Variants in DNAJB12 observed in about 807,000 individuals in gnomAD.
The protein encoded by DNAJB12 is dnaJ homolog subfamily B member 12.
A neutral mutation model predicts 40.6 loss-of-function variants in DNAJB12; 14 were observed. The observed-to-expected ratio is 0.34, with a 90% confidence interval of 0.23 to 0.54. DNAJB12 has a LOEUF of 0.54. Ranked by LOEUF, DNAJB12 falls within the 20% of genes least tolerant of loss-of-function variation. DNAJB12 has a pLI of 0.92. For synonymous variants in DNAJB12, 181 were observed against 199.5 expected (o/e 0.91, Z 0.78); for missense variants, 444 against 501.7 (o/e 0.89, Z 1.10).
At chr10:72,342,573 G>A (rs1367277599) in intron 3 of DNAJB12, among the ~76,000 whole-genome samples, 1 of 152,178 alleles carries the variant, frequency 6.6e-6, no homozygotes, top group Admixed American at 6.5e-5. Flanking sequence ...TCTGCCACAG[G>A]CTCTCCAGCT....
At position 72,334,497 on chromosome 10, in the gene DNAJB12, G is replaced by A. The variant is rs182796644; in HGVS notation, c.*151C>T. ...TTACTGGGTGAGAGAGAGGGCAGCT[G>A]TGCAGCGTTCGGCCTCCAATTCCAT... On this transcript the variant is annotated 3_prime_UTR_variant, in exon 9 of 9. Coordinates refer to ENST00000444643, the MANE Select transcript of DNAJB12 (RefSeq NM_017626.7). 9.3e-5 allele frequency: 132 copies of A among 1,417,740 alleles called. No homozygotes were observed. In the East Asian group the frequency reaches 3.2e-3, roughly 35 times the overall value. 87.8% of individuals were successfully genotyped at this position (1,417,740 alleles called of 1,614,324 possible).
Position 72,354,839 on chromosome 10 carries a change from T to C in DNAJB12, c.59A>G (p.Gln20Arg), listed in dbSNP as rs758836464. 4.2e-5 allele frequency: 68 copies of C among 1,613,970 alleles called. No individual in the cohort carries two copies. Among genetic ancestry groups the C allele is most frequent in the Non-Finnish European group, 4.3e-5 (51 of 1,179,936 alleles). Residue 20 changes from glutamine (Q) to arginine (R), a missense_variant, in exon 1 of 9, where the codon CAG becomes CGG. Physicochemically the swap from Gln to Arg is conservative, Grantham distance 43 (BLOSUM62 1). Coordinates refer to ENST00000444643, the MANE Select transcript of DNAJB12 (RefSeq NM_017626.7). ...RCISIALKAIQSNQPDRALRF... is the reference protein window; with the variant it reads ...RCISIALKAIRSNQPDRALRF... ...GAGCGCCCGGTCGGGCTGGTTGCTC[T>C]GGATGGCCTTGAGGGCGATGCTGAT...
intron 5 of DNAJB12, 107 bp from the exon 6 acceptor site, chr10:72,338,418 C>T: frequency 1.1e-6 from 1 of 871,410 alleles, no homozygotes; most frequent in Non-Finnish European, 1.8e-6. Context: ...AGACATGACA[C>T]CACTCTGCCG....
Position 72,334,469 on chromosome 10 carries a change from C to A in DNAJB12, c.*179G>T. 8.0e-7 allele frequency: 1 copy of A among 1,257,396 alleles called. No homozygotes were observed. Among genetic ancestry groups the A allele is most frequent in the South Asian group, 1.3e-5 (1 of 77,888 alleles). 77.9% of individuals were successfully genotyped at this position (1,257,396 alleles called of 1,614,324 possible). ...TTCTGTCTGTCCTAAGAGCTTTCTG[C>A]ATTTACTGGGTGAGAGAGAGGGCAG... On this transcript the variant is annotated 3_prime_UTR_variant, in exon 9 of 9. Transcript: ENST00000444643.
chr10:72,344,840 T>TCCCAGGGCCCTGTGCTG, intron 2 of DNAJB12, 110 bp downstream of exon 2: 1 of 1,332,242 alleles, frequency 7.5e-7, no homozygotes, highest in Non-Finnish European at 1.1e-6. Context: ...TCCAAGACCC[T>TCCCAGGGCCCTGTGCTG]CCCAGGGCCC....
chr10:72,335,820 A>AGGGAGGCCT lies in DNAJB12; in HGVS notation c.1109_1117dup (p.Gln370_Ser372dup). 1 of 1,614,080 alleles carries AGGGAGGCCT rather than the reference A, an allele frequency of 6.2e-7. No individual in the cohort carries two copies. The highest frequency in any genetic ancestry group is 8.5e-7 in the Non-Finnish European group (1 of 1,179,958). ...GTGGCTGGCCCAGGACTATCCATGC[A>AGGGAGGCCT]GGGAGGCCTGCACCTCTGACAGTCG... is the stretch of plus-strand genomic sequence containing the variant. On this transcript the variant is annotated inframe_insertion, in exon 8 of 9. Transcript: ENST00000444643. The surrounding 1 kb of genome is among the most constrained non-coding windows in gnomAD (Gnocchi z 4.4).
chr10:72,341,343 C>T (rs1366185012), intron 3 of DNAJB12, among the ~76,000 whole-genome samples, 173 bp from the exon 4 acceptor site: 1 of 152,120 alleles, frequency 6.6e-6, no homozygotes. Flanking sequence ...CAGGAAGACC[C>T]CTCAGTGGAT....
intron 5 of DNAJB12, among the ~76,000 whole-genome samples, chr10:72,340,151 C>G (rs947176942): frequency 3.3e-5 from 5 of 151,838 alleles, no homozygotes; most frequent in Non-Finnish European, 7.4e-5. Context: ...TCAAGGCCAG[C>G]CTGGCCAACA....
rs960349610 is a variant in DNAJB12 at position 72,344,801 on chromosome 10, G to A, written c.311+149C>T. ...GAGGGAAATAAGGAGAGGTCCTGGTGAGCCTGGACCCTTGGACCTTCTCCA... is the reference window on the plus strand; with the variant it reads ...GAGGGAAATAAGGAGAGGTCCTGGTAAGCCTGGACCCTTGGACCTTCTCCA... On this transcript the variant is annotated intron_variant, in intron 2 of 8. Transcript: ENST00000444643. 8 of 877,152 alleles carry A rather than the reference G, an allele frequency of 9.1e-6. No homozygotes were observed. In the East Asian group the frequency reaches 9.8e-5, roughly 11 times the overall value. 54.3% of individuals were successfully genotyped at this position (877,152 alleles called of 1,614,324 possible). A position where few individuals can be genotyped will look rare whatever the true frequency, so the allele number is the denominator to read the frequency against.
At chr10:72,340,894 G>A (rs1195194763) in intron 4 of DNAJB12, 26 bp from the exon 5 acceptor site, 9 of 1,612,644 alleles carry the variant, frequency 5.6e-6, no homozygotes, top group Non-Finnish European at 7.6e-6. Flanking sequence ...GCTGAGTCAG[G>A]AGCCAGGTCT....
chr10:72,354,872 T>G lies in DNAJB12; in HGVS notation c.26A>C (p.Glu9Ala). MESNKDEA[E>A]RCISIALKAI... Reference sequence around the variant, plus strand: ...CTTGAGGGCGATGCTGATACAGCGCTCAGCTTCATCCTTGTTGGATTCCAT... The same window carrying G: ...CTTGAGGGCGATGCTGATACAGCGCGCAGCTTCATCCTTGTTGGATTCCAT... The change falls in exon 1 of 9, where the codon GAG becomes GCG. Residue 9 changes from glutamate (E) to alanine (A), a missense_variant. Glu to Ala is a moderately radical substitution (Grantham distance 107). Transcript: ENST00000444643. 1 of 1,614,086 alleles carries G rather than the reference T, an allele frequency of 6.2e-7. No individual in the cohort carries two copies. Among genetic ancestry groups the G allele is most frequent in the Non-Finnish European group, 8.5e-7 (1 of 1,179,944 alleles).
intron 1 of DNAJB12, among the ~76,000 whole-genome samples, chr10:72,347,644 T>G (rs376440884): frequency 1.3e-5 from 2 of 152,170 alleles, no homozygotes; most frequent in Admixed American, 6.5e-5. Context: ...GGCTGGGCGC[T>G]GTGGCTCACG....
In DNAJB12 at chr10:72,334,998, CCAGCAA is replaced by C. The variant is rs1374196043; in HGVS notation, c.*31-387_*31-382del. The C allele has an allele frequency of 2.8e-6, 3 of 1,084,606 alleles. No homozygotes were observed. The East Asian group carries it at 2.0e-4, about 72-fold the overall frequency. The allele number at this position is 1,084,606 out of a possible 1,614,324, so 67.2% of individuals were successfully genotyped here. On this transcript the variant is annotated intron_variant, in intron 8 of 8. Transcript: ENST00000444643. ...GGCTGCAGAAGGAGGGAGCCTGCTACCAGCAACTCTCATTTCCCCTCCACCCCTCCT... is the reference window on the plus strand; with the variant it reads ...GGCTGCAGAAGGAGGGAGCCTGCTACCTCTCATTTCCCCTCCACCCCTCCT...
rs932322414 is a variant in DNAJB12, at chr10:72,335,954, T to G, written c.1007-23A>C. The G allele has an allele frequency of 6.2e-7, 1 of 1,613,570 alleles. No homozygotes were observed. Among genetic ancestry groups the G allele is most frequent in the Non-Finnish European group, 8.5e-7 (1 of 1,179,744 alleles). The stretch of plus-strand genomic sequence containing the variant: ...CCTCTGCAAAGCAATGGGACAGGGT[T>G]AGTGCACACCCAGTACCTCCCGAAG... On this transcript the variant is annotated intron_variant, in intron 7 of 8. Transcript: ENST00000444643. This position sits in a 1 kb window ranked among gnomAD's most constrained non-coding sequence, Gnocchi z 4.4.
chr10:72,347,123 C>A (rs1175048831), intron 1 of DNAJB12, among the ~76,000 whole-genome samples: 1 of 152,068 alleles, frequency 6.6e-6, no homozygotes, highest in Non-Finnish European at 1.5e-5. Context: ...CACCACCACG[C>A]CGGCTAATTG....
intron 3 of DNAJB12, among the ~76,000 whole-genome samples, chr10:72,341,508 G>A (rs561523908): frequency 6.6e-6 from 1 of 152,284 alleles, no homozygotes; most frequent in African/African-American, 2.4e-5. Flanking sequence ...GCCTCACTCT[G>A]TCACCCAAGC....
chr10:72,337,867 T>A (rs1861520883), intron 6 of DNAJB12, among the ~76,000 whole-genome samples: 1 of 152,110 alleles, frequency 6.6e-6, no homozygotes, highest in Non-Finnish European at 1.5e-5. Flanking sequence ...TCTGTGTGTA[T>A]ATGTGTGCGT....
chr10:72,334,841 C>T (rs114987784), intron 8 of DNAJB12: 61 of 1,347,852 alleles, frequency 4.5e-5, no homozygotes, highest in Non-Finnish European at 5.3e-5. Context: ...AGGACACAGG[C>T]AAAGGAGGGG....
chr10:72,336,451 C>T, intron 7 of DNAJB12, 73 bp downstream of exon 7: 1 of 1,501,312 alleles, frequency 6.7e-7, no homozygotes. Flanking sequence ...GCAGGGCTCT[C>T]TCCTTCCCCT....
Sources: gnomAD v4.1 joint callset for allele counts (sites outside exome capture counted in the v4.1 genomes callset) on GRCh38, gnomAD v4.1.1 for gene constraint, Gnocchi (gnomAD v3.1) non-coding constraint, MANE v1.5 for transcripts, NCBI Gene and HGNC (gene_info 2026-07-23, HGNC 2026-07-21) for gene names.